Variants in DYNC2I2 observed in about 807,000 individuals in gnomAD.
DYNC2I2 encodes the protein dynein 2 intermediate chain 2.
A neutral mutation model predicts 52.0 loss-of-function variants in DYNC2I2; 39 were observed. The ratio of observed to expected loss-of-function variants is 0.75; its 90% CI spans 0.58 to 0.98. DYNC2I2 has a LOEUF of 0.98. Among genes scored for constraint, DYNC2I2 ranks in the 50% least tolerant of loss-of-function variants. DYNC2I2 has a pLI of 0.00. For missense variants in DYNC2I2, 743 were observed against 728.4 expected (o/e 1.02, Z -0.23); for synonymous variants, 359 against 321.1 (o/e 1.12, Z -1.26).
rs201988969 is a variant in DYNC2I2 at position 128,634,002 on chromosome 9, C to G, written c.1373-20G>C. On this transcript the variant is annotated intron_variant, in intron 8 of 8. Coordinates refer to ENST00000372715, the MANE Select transcript of DYNC2I2 (RefSeq NM_052844.4). ...CGTCACCTGCAAAGAGAGACAGATACGTGGAGTAAGAGAAACTCTAGAGAC... is the reference window on the plus strand; with the variant it reads ...CGTCACCTGCAAAGAGAGACAGATAGGTGGAGTAAGAGAAACTCTAGAGAC... The G allele has an allele frequency of 1.2e-5, 19 of 1,612,126 alleles. No homozygotes were observed. The highest frequency in any genetic ancestry group is 2.2e-5 in the South Asian group (2 of 91,066).
At chr9:128,652,446 AAAAAAG>A (rs1278025798) in intron 1 of DYNC2I2, among the ~76,000 whole-genome samples, 4 of 148,184 alleles carry the variant, frequency 2.7e-5, no homozygotes, top group African/African-American at 1.0e-4. Flanking sequence ...AAAAAAAAAA[AAAAAAG>A]AAAGAAAGAA....
chr9:128,649,616 G>C (rs998364448), intron 1 of DYNC2I2, among the ~76,000 whole-genome samples: 2 of 148,922 alleles, frequency 1.3e-5, no homozygotes, highest in Admixed American at 6.8e-5. Flanking sequence ...TGGAACTCAG[G>C]GGGCAGAGAT....
At chr9:128,635,790 C>CAG (rs752564863) in intron 4 of DYNC2I2, 23 bp from the exon 5 acceptor site, 1 of 1,592,222 alleles carries the variant, frequency 6.3e-7, no homozygotes, top group South Asian at 1.1e-5. Flanking sequence ...TGGACCTGGG[C>CAG]AGAGGCTCAG....
In DYNC2I2 at chr9:128,635,777, C is replaced by T; in HGVS notation, c.704-10G>A. On this transcript the variant is annotated splice_polypyrimidine_tract_variant and intron_variant, in intron 4 of 8. Coordinates refer to ENST00000372715, the MANE Select transcript of DYNC2I2 (RefSeq NM_052844.4). ...CCACTGTACAGCCCTCCTGCAGGGA[C>T]AGTGGACCTGGGCAGAGGCTCAGCC... 1 of 1,606,758 alleles carries T rather than the reference C, an allele frequency of 6.2e-7. No individual in the cohort carries two copies. The highest frequency in any genetic ancestry group is 8.5e-7 in the Non-Finnish European group (1 of 1,176,284).
At chr9:128,683,003 G>C in the DYNC2I2 span, among the ~76,000 whole-genome samples, 1 of 146,746 alleles carries the variant, frequency 6.8e-6, no homozygotes, top group Non-Finnish European at 1.5e-5. Flanking sequence ...AAAAAAAAAA[G>C]TCTTTTTTTG....
chr9:128,655,256 T>G (rs1464113475), intron 1 of DYNC2I2, among the ~76,000 whole-genome samples: 1 of 145,932 alleles, frequency 6.9e-6, no homozygotes, highest in African/African-American at 2.5e-5. Flanking sequence ...TCCCAGCACT[T>G]TGGGAGGCCG....
At chr9:128,676,847 TTTTG>T in the DYNC2I2 span, among the ~76,000 whole-genome samples, 9 of 123,248 alleles carry the variant, frequency 7.3e-5, no homozygotes, top group Non-Finnish European at 1.1e-4. Flanking sequence ...CTGTTTTTTT[TTTTG>T]TTTTGTTTTG....
the DYNC2I2 span, among the ~76,000 whole-genome samples, chr9:128,668,071 C>T: frequency 1.3e-5 from 2 of 150,434 alleles, no homozygotes; most frequent in Admixed American, 6.7e-5. Context: ...AGCGATTCTC[C>T]TGCCTCAGCC....
chr9:128,661,057 T>C (rs1348982445), upstream of DYNC2I2, among the ~76,000 whole-genome samples: 1 of 151,994 alleles, frequency 6.6e-6, no homozygotes, highest in African/African-American at 2.4e-5. Flanking sequence ...GGTTGTTGTG[T>C]TGAGCCGGCC....
intron 2 of DYNC2I2, among the ~76,000 whole-genome samples, chr9:128,639,252 G>A (rs1399019790): frequency 6.6e-6 from 1 of 151,766 alleles, no homozygotes. Context: ...TACAAAATTA[G>A]CCGGGCGTGG....
In DYNC2I2 at chr9:128,640,764, C is replaced by G; in HGVS notation, c.362G>C (p.Arg121Pro). 1 of 1,614,206 alleles carries G rather than the reference C, an allele frequency of 6.2e-7. No homozygotes were observed. Among genetic ancestry groups the G allele is most frequent in the African/African-American group, 1.3e-5 (1 of 75,048 alleles). ...GCTCTGCCAATTCTTGTTCAGCTCT[C>G]GGATGACCATGGCCTCCACTCTCCG... ...FLRRVEAMVI[R>P]ELNKNWQSHA... Residue 121 changes from arginine (R) to proline (P), a missense_variant, in exon 2 of 9, where the codon CGA (arginine) becomes CCA (proline). By Grantham distance (103) the Arg-to-Pro change is moderately radical (BLOSUM62 -2). Coordinates refer to ENST00000372715, the MANE Select transcript of DYNC2I2 (RefSeq NM_052844.4).
rs371137541 is a variant in DYNC2I2, at chr9:128,649,074, G to A, written c.186+7467C>T. 1.4e-4 allele frequency among the ~76,000 whole-genome samples: 21 copies of A among 152,248 alleles called. No homozygotes were observed. In the South Asian group the frequency reaches 4.4e-3, roughly 32 times the overall value. On this transcript the variant is annotated intron_variant, in intron 1 of 8. Coordinates refer to ENST00000372715, the MANE Select transcript of DYNC2I2 (RefSeq NM_052844.4). ...TGAATGTCAAAAATGCATCCCACTGGGAAAAAGTTCAATAGATCGCGGTGA... is the reference window on the plus strand; with the variant it reads ...TGAATGTCAAAAATGCATCCCACTGAGAAAAAGTTCAATAGATCGCGGTGA...
At chr9:128,678,628 A>T in the DYNC2I2 span, among the ~76,000 whole-genome samples, 2 of 149,510 alleles carry the variant, frequency 1.3e-5, no homozygotes, top group Non-Finnish European at 3.0e-5. Context: ...CGCCCGCTTA[A>T]TTTTTGTATT....
the DYNC2I2 span, among the ~76,000 whole-genome samples, chr9:128,668,325 G>A: frequency 6.6e-6 from 1 of 151,712 alleles, no homozygotes; most frequent in Non-Finnish European, 1.5e-5. Context: ...TTACAGGCAT[G>A]AGCCACTGCG....
upstream of DYNC2I2, among the ~76,000 whole-genome samples, chr9:128,659,718 G>C (rs1448682411): frequency 6.6e-6 from 1 of 151,790 alleles, no homozygotes; most frequent in East Asian, 1.9e-4. Context: ...AGACCAGCCT[G>C]ACCAACATGG....
chr9:128,641,084 G>C, intron 1 of DYNC2I2, 145 bp from the exon 2 acceptor site: 3 of 1,323,608 alleles, frequency 2.3e-6, no homozygotes, highest in Non-Finnish European at 3.0e-6. Context: ...GTCTTGGTTG[G>C]AGATGGCCCC....
At chr9:128,659,375 G>T (rs7468447), upstream of DYNC2I2, among the ~76,000 whole-genome samples, 1 of 151,138 alleles carries the variant, frequency 6.6e-6, no homozygotes, top group Non-Finnish European at 1.5e-5. Flanking sequence ...GGCGCCTGTA[G>T]TCCCAACTAC....
the DYNC2I2 span, among the ~76,000 whole-genome samples, chr9:128,671,217 T>G: frequency 1.3e-5 from 2 of 150,762 alleles, no homozygotes; most frequent in Non-Finnish European, 3.0e-5. Context: ...GAGGGTCACT[T>G]GAGCCCAGGA....
At chr9:128,678,072 C>CTT in the DYNC2I2 span, among the ~76,000 whole-genome samples, 13 of 141,666 alleles carry the variant, frequency 9.2e-5, no homozygotes, top group African/African-American at 2.8e-4. Flanking sequence ...CTTTTCTTTT[C>CTT]TTTTTTTTTT....
Sources: allele counts gnomAD v4.1 joint callset (sites outside exome capture counted in the v4.1 genomes callset), GRCh38; gene constraint gnomAD v4.1.1; transcripts MANE v1.5; gene names NCBI Gene and HGNC (gene_info 2026-07-23, HGNC 2026-07-21).